The following UBE2W variants were observed in gnomAD, a reference collection of about 807,000 sequenced individuals.
The protein encoded by UBE2W is ubiquitin conjugating enzyme E2 W.
A neutral mutation model predicts 27.2 loss-of-function variants in UBE2W; 18 were observed. The observed-to-expected ratio is 0.66, with a 90% confidence interval of 0.46 to 0.98. UBE2W has a LOEUF of 0.98. UBE2W is among the 50% of genes least tolerant of loss of function. The pLI, the probability that UBE2W is intolerant of heterozygous loss-of-function variation, is 0.00. For missense variants in UBE2W, 90 were observed against 180.2 expected (o/e 0.50, Z 2.87); for synonymous variants, 53 against 57.2 (o/e 0.93, Z 0.33).
rs1049260185 is a variant in UBE2W at position 73,862,172 on chromosome 8, G to A, written c.15+16636C>T. On this transcript the variant is annotated intron_variant, in intron 1 of 5. Transcript: ENST00000602593. ...AGGCCAGGTGCAGTGGCTCATGCCT[G>A]TAATCCTAGCACTTTGGGAGGCCAA... 1.2e-4 allele frequency among the ~76,000 whole-genome samples: 18 copies of A among 152,190 alleles called. 1 individual carries two copies. Among genetic ancestry groups the A allele is most frequent in the Non-Finnish European group, 4.4e-5 (3 of 68,046 alleles).
chr8:73,836,390 T>A (rs1430342705), intron 1 of UBE2W, among the ~76,000 whole-genome samples: 2 of 152,212 alleles, frequency 1.3e-5, no homozygotes, highest in African/African-American at 4.8e-5. Flanking sequence ...AAACATTTTT[T>A]AAAAAGATAC....
At chr8:73,784,396 C>T (rs148304689), downstream of UBE2W, among the ~76,000 whole-genome samples, 6 of 152,296 alleles carry the variant, frequency 3.9e-5, no homozygotes, top group African/African-American at 1.4e-4. Flanking sequence ...AAGATAGGTT[C>T]TCATTCTTCA....
intron 3 of UBE2W, among the ~76,000 whole-genome samples, chr8:73,821,424 TA>T (rs937655573): frequency 1.3e-5 from 2 of 151,442 alleles, no homozygotes; most frequent in African/African-American, 4.9e-5. Flanking sequence ...AATGCCAGGC[TA>T]AAAACTTGAT....
downstream of UBE2W, among the ~76,000 whole-genome samples, chr8:73,783,499 T>C (rs559023880): frequency 1.4e-4 from 21 of 152,326 alleles, no homozygotes; most frequent in South Asian, 4.3e-3. Context: ...TGAAAATCAA[T>C]TGACCGTATT....
chr8:73,846,469 A>G (rs2130939089), intron 1 of UBE2W, among the ~76,000 whole-genome samples: 1 of 152,320 alleles, frequency 6.6e-6, no homozygotes, highest in East Asian at 1.9e-4. Flanking sequence ...GATTTAAAAA[A>G]ATTTTTTATA....
intron 1 of UBE2W, among the ~76,000 whole-genome samples, chr8:73,875,345 T>G (rs1006365358): frequency 6.6e-6 from 1 of 152,168 alleles, no homozygotes; most frequent in African/African-American, 2.4e-5. Flanking sequence ...TCTACTTTAG[T>G]GTACTATTCA....
intron 3 of UBE2W, among the ~76,000 whole-genome samples, chr8:73,815,124 C>T (rs1395623824): frequency 6.6e-6 from 1 of 152,162 alleles, no homozygotes; most frequent in African/African-American, 2.4e-5. Flanking sequence ...CACCTGTAAT[C>T]CTAGCACTTT....
intron 1 of UBE2W, among the ~76,000 whole-genome samples, chr8:73,858,849 C>G (rs775244080): frequency 6.6e-6 from 1 of 150,906 alleles, no homozygotes; most frequent in African/African-American, 2.4e-5. Context: ...CTGAACCAAC[C>G]TTCTCTATCA....
In UBE2W at chr8:73,790,332, G is replaced by C; in HGVS notation, c.*3770C>G. 1.0e-6 allele frequency: 1 copy of C among 985,322 alleles called. No homozygotes were observed. Among genetic ancestry groups the C allele is most frequent in the Non-Finnish European group, 1.2e-6 (1 of 829,910 alleles). 61.0% of individuals were successfully genotyped at this position (985,322 alleles called of 1,614,324 possible). On this transcript the variant is annotated 3_prime_UTR_variant, in exon 6 of 6. Coordinates refer to ENST00000602593, the MANE Select transcript of UBE2W (RefSeq NM_018299.6). ...TAAAAAGGACTACAAAGAGGATTGG[G>C]GCCAGTTGGTGCAGATTAAAAGACA...
Position 73,860,532 on chromosome 8 carries a change from T to A in UBE2W, c.15+18276A>T, listed in dbSNP as rs77548754. 9.2e-3 allele frequency among the ~76,000 whole-genome samples: 1,403 copies of A among 152,202 alleles called. 10 individuals are homozygous for A. Among genetic ancestry groups the A allele is most frequent in the Non-Finnish European group, 0.013 (907 of 68,012 alleles). Reference sequence around the variant, plus strand: ...ATCTAATAAAGACAAAGTGTCTTTATAATAGCTACAAGGCAGAAGTGAAAA... The same window carrying A: ...ATCTAATAAAGACAAAGTGTCTTTAAAATAGCTACAAGGCAGAAGTGAAAA... On this transcript the variant is annotated intron_variant, in intron 1 of 5. Coordinates refer to ENST00000602593, the MANE Select transcript of UBE2W (RefSeq NM_018299.6).
chr8:73,850,032 A>G (rs1281729841), intron 1 of UBE2W, among the ~76,000 whole-genome samples: 1 of 152,220 alleles, frequency 6.6e-6, no homozygotes, highest in Non-Finnish European at 1.5e-5. Context: ...ATCTTCATAG[A>G]AGATTTTAGT....
chr8:73,836,346 G>C (rs570412658), intron 1 of UBE2W, among the ~76,000 whole-genome samples: 1 of 152,254 alleles, frequency 6.6e-6, no homozygotes, highest in Non-Finnish European at 1.5e-5. Context: ...CAGCATTTGG[G>C]GGGTTAAATG....
chr8:73,825,067 T>C (rs1426695844), intron 3 of UBE2W, 80 bp downstream of exon 3: 8 of 827,504 alleles, frequency 9.7e-6, no homozygotes, highest in South Asian at 1.8e-5. Context: ...AACTGATTTA[T>C]ATGTTTTTAC....
intron 5 of UBE2W, among the ~76,000 whole-genome samples, chr8:73,801,665 C>T (rs938384532): frequency 7.2e-5 from 11 of 152,114 alleles, no homozygotes; most frequent in Admixed American, 4.6e-4. Context: ...GAGTTTCTGA[C>T]ACTCAAGGAT....
chr8:73,813,181 T>G (rs1809243579), intron 3 of UBE2W, among the ~76,000 whole-genome samples: 1 of 149,296 alleles, frequency 6.7e-6, no homozygotes, highest in African/African-American at 2.5e-5. Flanking sequence ...AACACGAAGG[T>G]TACTACATCA....
chr8:73,877,261 G>A (rs73323806), intron 1 of UBE2W, among the ~76,000 whole-genome samples: 4,750 of 152,278 alleles, frequency 0.031, 229 homozygotes, highest in African/African-American at 0.1. Context: ...GCATTCCACT[G>A]TTCCTTTTTT....
intron 1 of UBE2W, among the ~76,000 whole-genome samples, chr8:73,850,979 C>A (rs893890514): frequency 6.6e-6 from 1 of 151,886 alleles, no homozygotes; most frequent in Non-Finnish European, 1.5e-5. Flanking sequence ...CCCACCTCAG[C>A]CTCCCAAGTA....
In UBE2W at chr8:73,787,026, T is replaced by G. The variant is rs114185863; in HGVS notation, c.*7076A>C. 1.4e-3 allele frequency: 1,335 copies of G among 984,914 alleles called. 9 individuals carry two copies. The African/African-American group carries it at 0.022, about 16-fold the overall frequency. 61.0% of individuals were successfully genotyped at this position (984,914 alleles called of 1,614,324 possible). A position where few individuals can be genotyped will look rare whatever the true frequency, so the allele number is the denominator to read the frequency against. On this transcript the variant is annotated 3_prime_UTR_variant, in exon 6 of 6. Coordinates refer to ENST00000602593, the MANE Select transcript of UBE2W (RefSeq NM_018299.6). ...AGTCCCTGAAGGCCAGATACAGACATGAGAAGATATTTCCTACCTTAGTTG... is the reference window on the plus strand; with the variant it reads ...AGTCCCTGAAGGCCAGATACAGACAGGAGAAGATATTTCCTACCTTAGTTG...
At chr8:73,862,608 A>C (rs1811575394) in intron 1 of UBE2W, among the ~76,000 whole-genome samples, 1 of 140,078 alleles carries the variant, frequency 7.1e-6, no homozygotes, top group African/African-American at 2.7e-5. Flanking sequence ...GCTTCTGCAC[A>C]GCAAAAGAAA....
Sources: gnomAD v4.1 joint callset for allele counts (sites outside exome capture counted in the v4.1 genomes callset) on GRCh38, gnomAD v4.1.1 for gene constraint, MANE v1.5 for transcripts, NCBI Gene and HGNC (gene_info 2026-07-23, HGNC 2026-07-21) for gene names.